The following PRAG1 variants were observed in gnomAD, a reference collection of about 807,000 sequenced individuals.
The protein encoded by PRAG1 is PEAK1 related, kinase-activating pseudokinase 1, also known as inactive tyrosine-protein kinase PRAG1.
In PRAG1, 110 loss-of-function variants were observed where a neutral mutation model predicts 95.6. The ratio of observed to expected loss-of-function variants is 1.15; its 90% CI spans 0.99 to 1.35. The LOEUF (loss-of-function observed/expected upper bound fraction) is 1.35, where lower values mean the gene tolerates loss of function less well. Among genes scored for constraint, PRAG1 ranks in the 40% most tolerant of loss-of-function variants. The probability of loss-of-function intolerance (pLI) is 0.00; values close to 1 mark genes in which losing one functional copy is unlikely to be tolerated. For missense variants in PRAG1, 2,554 were observed against 1,864.7 expected, an observed-to-expected ratio of 1.37 and a Z score of -6.81; for synonymous variants, 1,052 against 819.4, an observed-to-expected ratio of 1.28 and a Z score of -4.85.
intron 1 of PRAG1, among the ~76,000 whole-genome samples, chr8:8,385,066 T>G (rs936277589): frequency 3.3e-5 from 5 of 152,168 alleles, no homozygotes; most frequent in African/African-American, 1.2e-4. Flanking sequence ...TGGCCCAAAA[T>G]ACCCCCTCAG....
chr8:8,361,223 G>C (rs758460293), intron 3 of PRAG1, among the ~76,000 whole-genome samples: 10 of 152,204 alleles, frequency 6.6e-5, no homozygotes, highest in Non-Finnish European at 1.3e-4. Context: ...TGACCTCTTA[G>C]TAGGGGAGGA....
At chr8:8,323,805 T>C (rs1798544221) in intron 5 of PRAG1, among the ~76,000 whole-genome samples, 1 of 152,166 alleles carries the variant, frequency 6.6e-6, no homozygotes, top group African/African-American at 2.4e-5. Flanking sequence ...ATTAGCATCG[T>C]GAGAACTAAA....
At position 8,376,623 on chromosome 8, in the gene PRAG1, C is replaced by A; in HGVS notation, c.1786G>T (p.Ala596Ser). Residue 596 changes from alanine (A) to serine (S), a missense_variant, in exon 3 of 6, where the codon GCT becomes TCT. Physicochemically the swap from Ala to Ser is moderately conservative, Grantham distance 99. Transcript: ENST00000615670. ...ACACCGTTGGTCCGGCAGGAAGGAG[C>A]GGGGTCAGCAGGACCTTGGGATGGA... ...QPPSQGPADP[A>S]PSCRTNGVAI... The A allele has an allele frequency of 6.2e-7, 1 of 1,603,518 alleles. No homozygotes were observed. The highest frequency in any genetic ancestry group is 2.2e-5 in the East Asian group (1 of 44,736).
intron 4 of PRAG1, among the ~76,000 whole-genome samples, chr8:8,335,237 C>G (rs1047804007): frequency 1.4e-4 from 21 of 152,160 alleles, no homozygotes; most frequent in African/African-American, 4.1e-4. Context: ...ATGTATGGCA[C>G]AGAGTCTTAC....
In PRAG1 at chr8:8,375,803, G is replaced by A. The variant is rs985522049; in HGVS notation, c.2162+444C>T. On this transcript the variant is annotated intron_variant, in intron 3 of 5. Transcript: ENST00000615670. ...GCCTCCCAAAGTGTTAGGATTACAG[G>A]CATGAGCCATCATACCCAGCCCTCC... Among the ~76,000 whole-genome samples, 12 of 152,236 alleles carry A rather than the reference G, an allele frequency of 7.9e-5. No homozygotes were observed. The East Asian group carries it at 1.9e-3, about 24-fold the overall frequency.
chr8:8,327,871 C>T lies in PRAG1; in HGVS notation c.2911G>A (p.Glu971Lys). The T allele has an allele frequency of 7.4e-6, 12 of 1,614,226 alleles. No homozygotes were observed. The highest frequency in any genetic ancestry group is 9.3e-6 in the Non-Finnish European group (11 of 1,180,050). Residue 971 changes from glutamate to lysine, a missense_variant, in exon 5 of 6, where the codon GAG (glutamate) becomes AAG (lysine). Coordinates refer to ENST00000615670, the MANE Select transcript of PRAG1 (RefSeq NM_001080826.3). Reference protein sequence around the residue: ...QSLARLVAKCEDLFMGGQKKE... With the variant: ...QSLARLVAKCKDLFMGGQKKE... ...TTCTGGCCGCCCATGAAGAGGTCCT[C>T]ACATTTGGCTACAAGGCGGGCCAGG... is the stretch of plus-strand genomic sequence containing the variant.
intron 1 of PRAG1, among the ~76,000 whole-genome samples, chr8:8,385,521 A>G (rs957778650): frequency 2.6e-5 from 4 of 152,198 alleles, no homozygotes; most frequent in Non-Finnish European, 5.9e-5. Flanking sequence ...GGAGTTGTTA[A>G]GAATAGTTCA....
Position 8,377,038 on chromosome 8 carries a change from A to G in PRAG1, c.1371T>C (p.Ser457=), listed in dbSNP as rs763142387. 1 of 1,613,880 alleles carries G rather than the reference A, an allele frequency of 6.2e-7. No homozygotes were observed. Among genetic ancestry groups the G allele is most frequent in the Non-Finnish European group, 8.5e-7 (1 of 1,180,030 alleles). ...TGNAWAQKAA[S]GWGRDSPDPT... ...GGTCTGGGCTGTCCCGGCCCCAGCC[A>G]GATGCTGCTTTCTGGGCCCAGGCAT... Residue 457 remains serine (S), a synonymous_variant, in exon 3 of 6, where the codon TCT becomes TCC. Transcript: ENST00000615670.
intron 1 of PRAG1, among the ~76,000 whole-genome samples, chr8:8,384,107 C>A (rs770006155): frequency 6.6e-6 from 1 of 152,174 alleles, no homozygotes; most frequent in African/African-American, 2.4e-5. Context: ...CACAGCTCCT[C>A]CTGACACTGG....
At chr8:8,336,389 C>A (rs1309690630) in intron 4 of PRAG1, among the ~76,000 whole-genome samples, 2 of 152,190 alleles carry the variant, frequency 1.3e-5, no homozygotes, top group Non-Finnish European at 2.9e-5. Context: ...AAAACCTTCC[C>A]CTTGGCAGCC....
intron 3 of PRAG1, among the ~76,000 whole-genome samples, chr8:8,352,816 C>CA (rs1171655603): frequency 1.3e-5 from 2 of 151,926 alleles, no homozygotes; most frequent in South Asian, 2.1e-4. Context: ...TACTTGCTTA[C>CA]AAAAAATCCA....
intron 5 of PRAG1, among the ~76,000 whole-genome samples, chr8:8,321,651 C>T (rs920087708): frequency 3.9e-5 from 6 of 152,112 alleles, no homozygotes; most frequent in Non-Finnish European, 7.3e-5. Flanking sequence ...GATGCTATTA[C>T]AGAGGAGGAA....
At chr8:8,357,726 G>C (rs1191761007) in intron 3 of PRAG1, among the ~76,000 whole-genome samples, 1 of 152,218 alleles carries the variant, frequency 6.6e-6, no homozygotes, top group African/African-American at 2.4e-5. Flanking sequence ...GTCTCTAACA[G>C]ATATTTGCTT....
chr8:8,380,075 C>G (rs1485929145), intron 2 of PRAG1, among the ~76,000 whole-genome samples: 1 of 151,520 alleles, frequency 6.6e-6, no homozygotes, highest in Non-Finnish European at 1.5e-5. Flanking sequence ...GGCAAGACAG[C>G]AAGATCCTAT....
In PRAG1 at chr8:8,377,354, CCGCTG is replaced by C; in HGVS notation, c.1050_1054del (p.Ser351ArgfsTer3). The C allele has an allele frequency of 2.2e-6, 1 of 464,856 alleles. No homozygotes were observed. Among genetic ancestry groups the C allele is most frequent in the Non-Finnish European group, 3.7e-6 (1 of 271,752 alleles). 28.8% of individuals were successfully genotyped at this position (464,856 alleles called of 1,614,324 possible). A position where few individuals can be genotyped will look rare whatever the true frequency, so the allele number is the denominator to read the frequency against. On this transcript the variant is annotated frameshift_variant, in exon 3 of 6. Coordinates refer to ENST00000615670, the MANE Select transcript of PRAG1 (RefSeq NM_001080826.3). LOFTEE classifies it high-confidence loss of function. The stretch of plus-strand genomic sequence containing the variant: ...GTGGGGGACGAAGGGGCTACTGGCG[CCGCTG>C]CCGCTGCCGCTGCCGCTGCCACAAG...
chr8:8,362,902 G>C (rs530591563), intron 3 of PRAG1, among the ~76,000 whole-genome samples: 4 of 152,258 alleles, frequency 2.6e-5, no homozygotes, highest in African/African-American at 9.6e-5. Flanking sequence ...CAAAGGAAAA[G>C]AGGAAGTCGC....
Position 8,376,310 on chromosome 8 carries a change from T to G in PRAG1, c.2099A>C (p.Glu700Ala), listed in dbSNP as rs1368042037. The G allele has an allele frequency of 2.5e-6, 4 of 1,614,046 alleles. No individual in the cohort carries two copies. In the African/African-American group the frequency reaches 5.3e-5, roughly 22 times the overall value. Reference sequence around the variant, plus strand: ...AATCCCACTTCTGTCCTTGGGGAACTCAAAGGCAAAAGAGGCGGATTTGCT... The same window carrying G: ...AATCCCACTTCTGTCCTTGGGGAACGCAAAGGCAAAAGAGGCGGATTTGCT... ...GMSKSASFAF[E>A]FPKDRSGIET... Residue 700 changes from glutamate to alanine, a missense_variant, in exon 3 of 6, where the codon GAG becomes GCG. Physicochemically the swap from Glu to Ala is moderately radical, Grantham distance 107. Transcript: ENST00000615670.
Position 8,377,637 on chromosome 8 carries a change from C to A in PRAG1, c.772G>T (p.Asp258Tyr). The change falls in exon 3 of 6, where the codon GAC (aspartate) becomes TAC (tyrosine). Residue 258 changes from aspartate to tyrosine, a missense_variant. By Grantham distance (160) the Asp-to-Tyr change is radical (BLOSUM62 -3). Coordinates refer to ENST00000615670, the MANE Select transcript of PRAG1 (RefSeq NM_001080826.3). The stretch of plus-strand genomic sequence containing the variant: ...GCAACAGGGCTCCCAGGGCAGCAGT[C>A]CAGGATGGAGCAGTACTCTCCACCC... ...SEGGEYCSIL[D>Y]CCPGSPVAKA... The A allele has an allele frequency of 6.2e-7, 1 of 1,613,598 alleles. No homozygotes were observed. Among genetic ancestry groups the A allele is most frequent in the Non-Finnish European group, 8.5e-7 (1 of 1,179,994 alleles).
intron 3 of PRAG1, among the ~76,000 whole-genome samples, chr8:8,358,462 G>A (rs927920037): frequency 1.3e-5 from 2 of 152,330 alleles, no homozygotes; most frequent in Admixed American, 1.3e-4. Context: ...GTGGGTTGGA[G>A]TGGGACTGAA....
Sources: gnomAD v4.1 joint callset for allele counts (sites outside exome capture counted in the v4.1 genomes callset) on GRCh38, gnomAD v4.1.1 for gene constraint, MANE v1.5 for transcripts, NCBI Gene and HGNC (gene_info 2026-07-23, HGNC 2026-07-21) for gene names.